The following FAF1 variants were observed in gnomAD, a reference collection of about 807,000 sequenced individuals.
FAF1 encodes the protein Fas associated factor 1, also known as FAS-associated factor 1.
Under a neutral mutation model 92.5 loss-of-function variants are expected in FAF1, and 25 were observed. That is an observed-to-expected ratio of 0.27 (90% confidence interval 0.20 to 0.38). FAF1 has a LOEUF of 0.38. FAF1 is among the 10% of genes least tolerant of loss of function. FAF1 has a pLI of 1.00. For missense variants in FAF1, 636 were observed against 793.3 expected (o/e 0.80, Z 2.38); for synonymous variants, 234 against 273.2 (o/e 0.86, Z 1.42).
At chr1:50,726,419 G>A (rs879587223) in intron 6 of FAF1, among the ~76,000 whole-genome samples, 2 of 151,900 alleles carry the variant, frequency 1.3e-5, no homozygotes, top group African/African-American at 4.8e-5. Context: ...AAAATAGGCT[G>A]GGCACGGTAG....
At chr1:50,796,763 A>G (rs1281772699) in intron 3 of FAF1, among the ~76,000 whole-genome samples, 1 of 152,024 alleles carries the variant, frequency 6.6e-6, no homozygotes, top group Non-Finnish European at 1.5e-5. Flanking sequence ...TTGTCTCAGT[A>G]TCCCTTTTCT....
At chr1:50,556,225 G>T in intron 13 of FAF1, among the ~76,000 whole-genome samples, 1 of 126,668 alleles carries the variant, frequency 7.9e-6, no homozygotes. Context: ...GCGAAAGAGC[G>T]AGACTCCATC....
chr1:50,921,321 G>A (rs752904965), intron 1 of FAF1, among the ~76,000 whole-genome samples: 12 of 152,168 alleles, frequency 7.9e-5, no homozygotes, highest in Non-Finnish European at 1.5e-4. Flanking sequence ...CAGTGGCTGC[G>A]TGCACCATCC....
At chr1:50,474,782 A>C (rs1646618371) in intron 18 of FAF1, among the ~76,000 whole-genome samples, 1 of 152,204 alleles carries the variant, frequency 6.6e-6, no homozygotes, top group African/African-American at 2.4e-5. Context: ...AATCTGATAA[A>C]GTCTTCATTT....
intron 8 of FAF1, among the ~76,000 whole-genome samples, chr1:50,629,442 T>C (rs1274601809): frequency 6.6e-6 from 1 of 152,138 alleles, no homozygotes; most frequent in South Asian, 2.1e-4. Flanking sequence ...GTGCTGAGAT[T>C]ACAGGTGTGA....
chr1:50,809,917 C>T (rs1027046362), intron 2 of FAF1, among the ~76,000 whole-genome samples: 1 of 152,184 alleles, frequency 6.6e-6, no homozygotes, highest in Non-Finnish European at 1.5e-5. Flanking sequence ...AAAGCTAATG[C>T]TTTATGATCA....
intron 12 of FAF1, among the ~76,000 whole-genome samples, chr1:50,576,636 C>A (rs1335819220): frequency 2.0e-5 from 3 of 150,490 alleles, no homozygotes; most frequent in South Asian, 2.2e-4. Context: ...CCGCACCGCC[C>A]CCCCCCCGCC....
intron 15 of FAF1, among the ~76,000 whole-genome samples, chr1:50,519,479 G>A (rs1378881914): frequency 1.3e-5 from 2 of 151,142 alleles, no homozygotes; most frequent in African/African-American, 4.9e-5. Context: ...AGGAAGGAAG[G>A]AAAGAAAGAA....
At chr1:50,861,683 G>A (rs968650970) in intron 1 of FAF1, among the ~76,000 whole-genome samples, 13 of 151,614 alleles carry the variant, frequency 8.6e-5, no homozygotes, top group African/African-American at 2.9e-4. Flanking sequence ...AACTGCACTT[G>A]TATTCCTAAG....
In FAF1 at chr1:50,439,400, T is replaced by C. The variant is rs1375477804; in HGVS notation, c.*2040A>G. On this transcript the variant is annotated 3_prime_UTR_variant, in exon 19 of 19. Transcript: ENST00000396153. ...ATGGGGCTGAGTAGGCCAAAAGAAC[T>C]TTCTAAGGCAGGTTGAAAAAGGTTG... The C allele has an allele frequency of 2.6e-5, 4 of 152,226 alleles. No individual in the cohort carries two copies. Among genetic ancestry groups the C allele is most frequent in the African/African-American group, 9.7e-5 (4 of 41,450 alleles). The allele number at this position is 152,226 out of a possible 1,614,324, so 9.4% of individuals were successfully genotyped here.
At chr1:50,754,561 C>T (rs912531221) in intron 4 of FAF1, among the ~76,000 whole-genome samples, 1 of 152,168 alleles carries the variant, frequency 6.6e-6, no homozygotes, top group Non-Finnish European at 1.5e-5. Flanking sequence ...ACTTTTCCTA[C>T]TTCTTAGATG....
At chr1:50,453,249 C>T (rs1239864055) in intron 18 of FAF1, among the ~76,000 whole-genome samples, 4 of 152,160 alleles carry the variant, frequency 2.6e-5, no homozygotes, top group African/African-American at 9.7e-5. Context: ...GAGTGGTGGG[C>T]TACATGTGCT....
At chr1:50,888,259 C>T (rs576437887) in intron 1 of FAF1, among the ~76,000 whole-genome samples, 1 of 152,008 alleles carries the variant, frequency 6.6e-6, no homozygotes, top group Admixed American at 6.6e-5. Context: ...TTGCTTATCA[C>T]CTTAAGGAGA....
chr1:50,543,183 C>G (rs989346787), intron 13 of FAF1, among the ~76,000 whole-genome samples: 4 of 152,050 alleles, frequency 2.6e-5, no homozygotes, highest in Non-Finnish European at 5.9e-5. Flanking sequence ...AAATTCAAAA[C>G]AGGATATTGT....
chr1:50,517,671 TA>T (rs1381018214), intron 15 of FAF1, among the ~76,000 whole-genome samples: 1 of 152,222 alleles, frequency 6.6e-6, no homozygotes, highest in Admixed American at 6.5e-5. Flanking sequence ...GGCTGCAGTC[TA>T]TATTAGGAAA....
At chr1:50,592,203 T>C (rs141010592) in intron 9 of FAF1, among the ~76,000 whole-genome samples, 13 of 150,912 alleles carry the variant, frequency 8.6e-5, no homozygotes, top group African/African-American at 2.9e-4. Context: ...GACTAGTACA[T>C]AGTGAGCATT....
chr1:50,794,158 G>A (rs956446276), intron 3 of FAF1, among the ~76,000 whole-genome samples: 2 of 152,222 alleles, frequency 1.3e-5, no homozygotes, highest in African/African-American at 4.8e-5. Flanking sequence ...AAATACAAGG[G>A]CTGCCACCTT....
intron 1 of FAF1, among the ~76,000 whole-genome samples, chr1:50,958,316 T>C (rs1007667946): frequency 6.6e-6 from 1 of 152,198 alleles, no homozygotes; most frequent in Non-Finnish European, 1.5e-5. Context: ...TCCTAATACC[T>C]GTATATCAGA....
chr1:50,584,800 A>G lies in FAF1; in HGVS notation c.852T>C (p.Asp284=), dbSNP rs1651146827. The change falls in exon 10 of 19, where the codon GAT becomes GAC. Residue 284 remains aspartate (D), a synonymous_variant. Transcript: ENST00000396153. ...CATCGCTATCACTAACCATATGAACATCGGTGATTTGCTATTTAAGGAAAG... is the reference window on the plus strand; with the variant it reads ...CATCGCTATCACTAACCATATGAACGTCGGTGATTTGCTATTTAAGGAAAG... ...TREQSEEQIT[D]VHMVSDSDGD... 6.2e-6 allele frequency: 10 copies of G among 1,612,988 alleles called. No individual in the cohort carries two copies. The highest frequency in any genetic ancestry group is 1.7e-4 in the Middle Eastern group (1 of 6,056).
Sources: allele counts gnomAD v4.1 joint callset (sites outside exome capture counted in the v4.1 genomes callset), GRCh38; gene constraint gnomAD v4.1.1; transcripts MANE v1.5; gene names NCBI Gene and HGNC (gene_info 2026-07-23, HGNC 2026-07-21).